Variants in NEURL1 observed in about 807,000 individuals in gnomAD.
The protein encoded by NEURL1 is neuralized E3 ubiquitin protein ligase 1, also known as E3 ubiquitin-protein ligase NEURL1.
In NEURL1, 26 loss-of-function variants were observed where a neutral mutation model predicts 41.2. The ratio of observed to expected loss-of-function variants is 0.63; its 90% CI spans 0.46 to 0.87. The LOEUF (loss-of-function observed/expected upper bound fraction) is 0.87. Among genes scored for constraint, NEURL1 ranks in the 40% least tolerant of loss-of-function variants. NEURL1 has a pLI of 0.00. For missense variants in NEURL1, 761 were observed against 871.1 expected (o/e 0.87, Z 1.59); for synonymous variants, 400 against 402.3 (o/e 0.99, Z 0.07).
In NEURL1 at chr10:103,585,011, G is replaced by C; in HGVS notation, c.1125G>C (p.Glu375Asp). 1 of 1,578,988 alleles carries C rather than the reference G, an allele frequency of 6.3e-7. No homozygotes were observed. Among genetic ancestry groups the C allele is most frequent in the Non-Finnish European group, 8.5e-7 (1 of 1,170,930 alleles). ...CGGCCGACCTGCCTTTCAGCCCTGA[G>C]GCCCTGGTGGACCGCAAGGAATTCT... ...LRPADLPFSP[E>D]ALVDRKEFWA... is the part of the protein sequence containing the mutation. The change falls in exon 4 of 6, where the codon GAG becomes GAC. Residue 375 changes from glutamate to aspartate, a missense_variant. Transcript: ENST00000369780.
At chr10:103,553,650 G>C (rs10786757) in intron 1 of NEURL1, among the ~76,000 whole-genome samples, 56,970 of 152,066 alleles carry the variant, frequency 0.37, 11,976 homozygotes, top group East Asian at 0.67. Context: ...AGTGGGAGCA[G>C]CAGGGTCTTG....
At chr10:103,501,925 C>T (rs1592175849) in intron 1 of NEURL1, among the ~76,000 whole-genome samples, 1 of 152,128 alleles carries the variant, frequency 6.6e-6, no homozygotes, top group Non-Finnish European at 1.5e-5. Context: ...TGAGCCACCA[C>T]ACCCGGCCAT....
intron 1 of NEURL1, among the ~76,000 whole-genome samples, chr10:103,541,313 TAAG>T (rs761564486): frequency 6.6e-6 from 1 of 151,386 alleles, no homozygotes; most frequent in African/African-American, 2.4e-5. Context: ...TGAAGAAAAA[TAAG>T]GAGGAAGCTG....
In NEURL1 at chr10:103,584,583, G is replaced by A; in HGVS notation, c.697G>A (p.Ala233Thr). The A allele has an allele frequency of 2.1e-6, 3 of 1,415,750 alleles. No individual in the cohort carries two copies. Among genetic ancestry groups the A allele is most frequent in the Admixed American group, 3.0e-5 (1 of 32,814 alleles). The allele number at this position is 1,415,750 out of a possible 1,614,324, so 87.7% of individuals were successfully genotyped here. A position where few individuals can be genotyped will look rare whatever the true frequency, so the allele number is the denominator to read the frequency against. ...PDCLRPRSFT[A>T]LRRPSLRREA... ...CTGTCTGCGGCCGCGCTCCTTCACC[G>A]CCCTGCGGCGGCCGTCGCTGCGGCG... is the stretch of plus-strand genomic sequence containing the variant. The change falls in exon 4 of 6, where the codon GCC becomes ACC. Residue 233 changes from alanine to threonine, a missense_variant. By Grantham distance (58) the Ala-to-Thr change is moderately conservative (BLOSUM62 0). Around this residue, in one of 5 missense-constraint regions of NEURL1, gnomAD observed 114 missense variants for 144.8 expected, o/e 0.79. Transcript: ENST00000369780.
chr10:103,571,461 A>G, intron 2 of NEURL1, 40 bp from the exon 3 acceptor site: 1 of 1,561,246 alleles, frequency 6.4e-7, no homozygotes, highest in Non-Finnish European at 8.6e-7. Flanking sequence ...TGATTGACCA[A>G]GTGGGAGAGG....
At chr10:103,526,522 T>A (rs1346549402) in intron 1 of NEURL1, among the ~76,000 whole-genome samples, 2 of 149,168 alleles carry the variant, frequency 1.3e-5, no homozygotes, top group African/African-American at 2.5e-5. Context: ...TTTTCTTTTC[T>A]TTTTTTTTTG....
intron 1 of NEURL1, among the ~76,000 whole-genome samples, chr10:103,496,380 G>A (rs1487818194): frequency 1.3e-5 from 2 of 152,200 alleles, no homozygotes; most frequent in East Asian, 1.9e-4. Context: ...ATACAAAGTT[G>A]TGAAGACTGT....
intron 4 of NEURL1, among the ~76,000 whole-genome samples, chr10:103,585,784 G>T (rs985723080): frequency 7.0e-6 from 1 of 143,116 alleles, no homozygotes; most frequent in Non-Finnish European, 1.5e-5. Context: ...AGTGAGCCAA[G>T]ATCGTGCCAC....
At chr10:103,569,978 C>T (rs2035503870) in intron 1 of NEURL1, among the ~76,000 whole-genome samples, 1 of 152,234 alleles carries the variant, frequency 6.6e-6, no homozygotes, top group Admixed American at 6.5e-5. Flanking sequence ...CCTTTTCTTC[C>T]TGTCTTCCAT....
At chr10:103,546,065 T>C (rs2034919071) in intron 1 of NEURL1, among the ~76,000 whole-genome samples, 2 of 152,232 alleles carry the variant, frequency 1.3e-5, no homozygotes, top group African/African-American at 4.8e-5. Flanking sequence ...TGCAGGAGTG[T>C]AATCATAGCT....
chr10:103,509,900 C>T lies in NEURL1; in HGVS notation c.85+15428C>T, dbSNP rs2986058. ...GTTCCATTCCTGGAGGGCAGGTTTCCGTTTCAGGGTCCAGGATTTGTGATT... is the reference window on the plus strand; with the variant it reads ...GTTCCATTCCTGGAGGGCAGGTTTCTGTTTCAGGGTCCAGGATTTGTGATT... On this transcript the variant is annotated intron_variant, in intron 1 of 5. Coordinates refer to ENST00000369780, the MANE Select transcript of NEURL1 (RefSeq NM_004210.5). Among the ~76,000 whole-genome samples, 723 of 152,224 alleles carry T rather than the reference C, an allele frequency of 4.7e-3. 9 individuals are homozygous for T. The highest frequency in any genetic ancestry group is 0.016 in the African/African-American group (660 of 41,542).
chr10:103,494,867 A>T (rs1211879280), intron 1 of NEURL1: 2 of 200,822 alleles, frequency 1.0e-5, no homozygotes, highest in Admixed American at 1.2e-4. Context: ...GGCTGGAGAG[A>T]CCAGGCTGGG....
At chr10:103,542,165 G>A (rs1002680771) in intron 1 of NEURL1, among the ~76,000 whole-genome samples, 2 of 152,216 alleles carry the variant, frequency 1.3e-5, no homozygotes, top group Non-Finnish European at 2.9e-5. Context: ...GGTATGGCAC[G>A]CTGGCTGTAT....
chr10:103,575,288 T>C (rs2035637562), intron 3 of NEURL1, among the ~76,000 whole-genome samples: 1 of 152,082 alleles, frequency 6.6e-6, no homozygotes. Flanking sequence ...CTTGGTGTCC[T>C]TCTCCCCGCT....
chr10:103,555,528 A>T, intron 1 of NEURL1: 1 of 897,676 alleles, frequency 1.1e-6, no homozygotes, highest in Non-Finnish European at 1.5e-6. Context: ...TTCTCACTCC[A>T]TGGAGGGGTC....
At chr10:103,546,014 T>C (rs986343793) in intron 1 of NEURL1, among the ~76,000 whole-genome samples, 6 of 152,178 alleles carry the variant, frequency 3.9e-5, no homozygotes, top group Non-Finnish European at 7.4e-5. Context: ...TTCACTTTTC[T>C]TTTTTTAGAG....
At chr10:103,560,711 G>A (rs2035273415) in intron 1 of NEURL1, among the ~76,000 whole-genome samples, 1 of 152,152 alleles carries the variant, frequency 6.6e-6, no homozygotes, top group African/African-American at 2.4e-5. Flanking sequence ...AGAGGGGACT[G>A]AGCATGCCAG....
intron 1 of NEURL1, among the ~76,000 whole-genome samples, chr10:103,499,610 C>T (rs2986050): frequency 1.3e-5 from 2 of 151,686 alleles, no homozygotes; most frequent in Admixed American, 6.6e-5. Context: ...GACCACAGGC[C>T]CACGCCACCA....
chr10:103,522,257 G>A (rs952096735), intron 1 of NEURL1, among the ~76,000 whole-genome samples: 1 of 152,046 alleles, frequency 6.6e-6, no homozygotes, highest in South Asian at 2.1e-4. Flanking sequence ...GGGCTCAGAG[G>A]CCTGACAGTC....
Sources: allele counts gnomAD v4.1 joint callset (sites outside exome capture counted in the v4.1 genomes callset), GRCh38; gene constraint gnomAD v4.1.1; regional missense constraint gnomAD v4.1.1; transcripts MANE v1.5; gene names NCBI Gene and HGNC (gene_info 2026-07-23, HGNC 2026-07-21).